Variants in RAPGEF6 observed in about 807,000 individuals in gnomAD.
RAPGEF6 encodes the protein PDZ domain containing guanine nucleotide exchange factor (GEF) 2.
Under a neutral mutation model 171.4 loss-of-function variants are expected in RAPGEF6, and 56 were observed. The ratio of observed to expected loss-of-function variants is 0.33; its 90% CI spans 0.26 to 0.41. The LOEUF (loss-of-function observed/expected upper bound fraction) is 0.41. Among genes scored for constraint, RAPGEF6 ranks in the 10% least tolerant of loss-of-function variants. The pLI, the probability that RAPGEF6 is intolerant of heterozygous loss-of-function variation, is 1.00. For missense variants in RAPGEF6, 1,674 were observed against 1,921.4 expected, an observed-to-expected ratio of 0.87 and a Z score of 2.41; for synonymous variants, 692 against 650.1, an observed-to-expected ratio of 1.06 and a Z score of -0.98.
At position 131,592,436 on chromosome 5, in the gene RAPGEF6, G is replaced by A; in HGVS notation, c.228C>T (p.Ile76=). ...TCACAAGCACAGATCCAGAAAGTAG[G>A]ATATACCAACATCTGGCAATCGTTT... ...CSETIARCWY[I]LLSGSVLVKG... is the part of the protein sequence containing the mutation. Residue 76 remains isoleucine (I), a synonymous_variant, in exon 4 of 28, where the codon ATC becomes ATT. Transcript: ENST00000509018. 1 of 1,613,826 alleles carries A rather than the reference G, an allele frequency of 6.2e-7. No homozygotes were observed. The highest frequency in any genetic ancestry group is 2.2e-5 in the East Asian group (1 of 44,846).
At chr5:131,559,008 G>A (rs996813529) in intron 5 of RAPGEF6, among the ~76,000 whole-genome samples, 1 of 152,066 alleles carries the variant, frequency 6.6e-6, no homozygotes, top group Non-Finnish European at 1.5e-5. Context: ...CATGGTGGTT[G>A]TTTTGTCAGT....
intron 3 of RAPGEF6, among the ~76,000 whole-genome samples, chr5:131,595,894 T>G (rs1763868208): frequency 6.6e-6 from 1 of 152,198 alleles, no homozygotes; most frequent in South Asian, 2.1e-4. Context: ...GGCTTATGCC[T>G]GTAATCCTAG....
chr5:131,610,545 G>T (rs184258142), intron 1 of RAPGEF6, among the ~76,000 whole-genome samples: 102 of 152,272 alleles, frequency 6.7e-4, no homozygotes, highest in African/African-American at 2.3e-3. Flanking sequence ...ATATATCCCA[G>T]CATTAGCCTG....
chr5:131,459,103 T>A (rs1753722029), intron 19 of RAPGEF6, among the ~76,000 whole-genome samples: 2 of 152,146 alleles, frequency 1.3e-5, no homozygotes, highest in African/African-American at 4.8e-5. Flanking sequence ...TTTTACCACT[T>A]CAGCAACTAA....
At chr5:131,628,285 T>G (rs1561621015) in intron 1 of RAPGEF6, among the ~76,000 whole-genome samples, 2 of 138,618 alleles carry the variant, frequency 1.4e-5, no homozygotes, top group Non-Finnish European at 3.3e-5. Context: ...AAAAAATGAT[T>G]TAAAAAAAAA....
At chr5:131,584,735 T>C (rs1350999822) in intron 4 of RAPGEF6, among the ~76,000 whole-genome samples, 1 of 152,212 alleles carries the variant, frequency 6.6e-6, no homozygotes, top group Non-Finnish European at 1.5e-5. Flanking sequence ...TAACCAGTCC[T>C]GTGGCTTCAC....
intron 7 of RAPGEF6, among the ~76,000 whole-genome samples, chr5:131,512,181 G>A (rs565847698): frequency 6.6e-6 from 1 of 152,190 alleles, no homozygotes; most frequent in African/African-American, 2.4e-5. Flanking sequence ...GTGCTGCAAA[G>A]AGCATTTGTG....
At chr5:131,615,340 C>A (rs942531696) in intron 1 of RAPGEF6, among the ~76,000 whole-genome samples, 2 of 152,142 alleles carry the variant, frequency 1.3e-5, no homozygotes, top group Admixed American at 1.3e-4. Flanking sequence ...TTTGTTTACA[C>A]AGGACAGCAT....
chr5:131,534,206 C>T (rs1353563753), intron 6 of RAPGEF6, among the ~76,000 whole-genome samples: 1 of 152,030 alleles, frequency 6.6e-6, no homozygotes, highest in African/African-American at 2.4e-5. Context: ...GGAGACAGGT[C>T]TTTTAACAAA....
rs761514040 is a variant in RAPGEF6 at position 131,479,697 on chromosome 5, G to C, written c.1897C>G (p.Pro633Ala). 7.4e-6 allele frequency: 12 copies of C among 1,613,830 alleles called. No homozygotes were observed. In the South Asian group the frequency reaches 1.2e-4, roughly 16 times the overall value. ...TTACTTTTTTTTTCAGCAATTTTGGGAATATGAGGAACACCAGATTTCTCT... is the reference window on the plus strand; with the variant it reads ...TTACTTTTTTTTTCAGCAATTTTGGCAATATGAGGAACACCAGATTTCTCT... ...EQEKSGVPHI[P>A]KIAEKKSNRH... Residue 633 changes from proline (P) to alanine (A), a missense_variant, in exon 16 of 28, where the codon CCC (proline) becomes GCC (alanine). Coordinates refer to ENST00000509018, the MANE Select transcript of RAPGEF6 (RefSeq NM_016340.6).
At chr5:131,581,554 C>T (rs1762959702) in intron 4 of RAPGEF6, among the ~76,000 whole-genome samples, 1 of 152,104 alleles carries the variant, frequency 6.6e-6, no homozygotes, top group African/African-American at 2.4e-5. Context: ...CTAATCTCTC[C>T]CACTTAGGTT....
chr5:131,600,942 T>C (rs1764204668), intron 3 of RAPGEF6, among the ~76,000 whole-genome samples: 1 of 152,040 alleles, frequency 6.6e-6, no homozygotes, highest in South Asian at 2.1e-4. Flanking sequence ...GGAATTACTC[T>C]TTCTCAAAAG....
At chr5:131,561,898 T>A in intron 5 of RAPGEF6, 80 bp downstream of exon 5, 1 of 1,051,916 alleles carries the variant, frequency 9.5e-7, no homozygotes, top group Admixed American at 2.1e-5. Context: ...TAAAACCTCC[T>A]TAAGTGTTTA....
At chr5:131,477,214 T>G (rs1291669887) in intron 16 of RAPGEF6, among the ~76,000 whole-genome samples, 1 of 152,192 alleles carries the variant, frequency 6.6e-6, no homozygotes, top group Non-Finnish European at 1.5e-5. Context: ...GTCTGATAGG[T>G]AAGACAGCTC....
chr5:131,461,985 T>C lies in RAPGEF6; in HGVS notation c.2584A>G (p.Ile862Val), dbSNP rs1753964771. The C allele has an allele frequency of 1.9e-6, 3 of 1,614,054 alleles. No individual in the cohort carries two copies. Among genetic ancestry groups the C allele is most frequent in the Admixed American group, 3.3e-5 (2 of 59,998 alleles). ...ATTGACAGCTGGGTGGCCACCTCAATGGTACTGAGCTGCAGCATGGATAGC... is the reference window on the plus strand; with the variant it reads ...ATTGACAGCTGGGTGGCCACCTCAACGGTACTGAGCTGCAGCATGGATAGC... ...SQLSMLQLST[I>V]EVATQLSMRD... Residue 862 changes from isoleucine to valine, a missense_variant, in exon 19 of 28, where the codon ATT (isoleucine) becomes GTT (valine). By Grantham distance (29) the Ile-to-Val change is conservative (BLOSUM62 3). This residue lies in a region of RAPGEF6 where 1,116 missense variants were observed against 1,321.5 expected (regional missense o/e 0.84). Transcript: ENST00000509018.
At chr5:131,471,988 G>C (rs894325469) in intron 17 of RAPGEF6, 1 of 153,368 alleles carries the variant, frequency 6.5e-6, no homozygotes, top group African/African-American at 2.4e-5. Flanking sequence ...TGCCTGAGAA[G>C]TGTCTCTGTT....
rs1757646736 is a variant in RAPGEF6 at position 131,510,477 on chromosome 5, C to T, written c.642G>A (p.Glu214=). ...LSDIYQATES[E]VGDVDLTRLP... ...GACGTGTCAAATCTACATCTCCTAC[C>T]TCACTCTCCGTAGCCTATGAAAAGA... The change falls in exon 8 of 28, where the codon GAG becomes GAA. Residue 214 remains glutamate, a synonymous_variant. Transcript: ENST00000509018. The T allele has an allele frequency of 6.2e-7, 1 of 1,613,666 alleles. No homozygotes were observed. The highest frequency in any genetic ancestry group is 1.3e-5 in the African/African-American group (1 of 74,892).
At chr5:131,634,929 T>C (rs1315151828) in intron 1 of RAPGEF6, 33 bp downstream of exon 1, 1 of 1,612,684 alleles carries the variant, frequency 6.2e-7, no homozygotes, top group Non-Finnish European at 8.5e-7. Flanking sequence ...TCTACTGGAC[T>C]GTGAGACGCA....
intron 3 of RAPGEF6, among the ~76,000 whole-genome samples, chr5:131,602,316 C>T (rs900409906): frequency 6.6e-5 from 10 of 152,256 alleles, no homozygotes; most frequent in African/African-American, 2.4e-4. Context: ...ATACTGCAGG[C>T]AACTTGACAC....
Sources: allele counts gnomAD v4.1 joint callset (sites outside exome capture counted in the v4.1 genomes callset), GRCh38; gene constraint gnomAD v4.1.1; regional missense constraint gnomAD v4.1.1; transcripts MANE v1.5; gene names NCBI Gene and HGNC (gene_info 2026-07-23, HGNC 2026-07-21).